The following ITSN1 variants were observed in gnomAD, a reference collection of about 807,000 sequenced individuals.
ITSN1 encodes intersectin-1.
In ITSN1, 58 loss-of-function variants were observed where a neutral mutation model predicts 239.8. The observed-to-expected ratio is 0.24, with a 90% confidence interval of 0.20 to 0.30. The LOEUF (loss-of-function observed/expected upper bound fraction) is 0.30. Among genes scored for constraint, ITSN1 ranks in the 10% least tolerant of loss-of-function variants. The probability of loss-of-function intolerance (pLI) is 1.00; values close to 1 mark genes in which losing one functional copy is unlikely to be tolerated. For synonymous variants in ITSN1, 780 were observed against 770.8 expected (o/e 1.01, Z -0.20); for missense variants, 1,558 against 2,103.3 (o/e 0.74, Z 5.07).
intron 5 of ITSN1, among the ~76,000 whole-genome samples, chr21:33,736,350 A>G (rs1435957032): frequency 6.6e-6 from 1 of 152,218 alleles, no homozygotes; most frequent in African/African-American, 2.4e-5. Flanking sequence ...CTCTGGTTTT[A>G]CTTACTAGGT....
At chr21:33,861,051 A>C (rs908159285) in intron 31 of ITSN1, among the ~76,000 whole-genome samples, 1 of 152,196 alleles carries the variant, frequency 6.6e-6, no homozygotes, top group East Asian at 1.9e-4. Flanking sequence ...TTCATCCTCC[A>C]GATAAAATCT....
At position 33,765,873 on chromosome 21, in the gene ITSN1, A is replaced by G. The variant is rs2147709709; in HGVS notation, c.789-2A>G. ...GATTACAGTTAACTTTTTGTTGAAT[A>G]GGAATCTTTCTGACATTGATCAAGA... On this transcript the variant is annotated splice_acceptor_variant, in intron 9 of 39. Coordinates refer to ENST00000381318, the MANE Select transcript of ITSN1 (RefSeq NM_003024.3). LOFTEE classifies it high-confidence loss of function. The G allele has an allele frequency of 6.2e-7, 1 of 1,614,082 alleles. No homozygotes were observed. The highest frequency in any genetic ancestry group is 8.5e-7 in the Non-Finnish European group (1 of 1,179,944).
At chr21:33,688,309 C>CT (rs1303608917) in intron 1 of ITSN1, among the ~76,000 whole-genome samples, 1 of 152,146 alleles carries the variant, frequency 6.6e-6, no homozygotes, top group Non-Finnish European at 1.5e-5. Context: ...GTATTTGTCT[C>CT]TTTCGGGAAT....
rs193036366 is a variant in ITSN1 at position 33,812,912 on chromosome 21, G to C, written c.2568-1001G>C. On this transcript the variant is annotated intron_variant, in intron 21 of 39. Coordinates refer to ENST00000381318, the MANE Select transcript of ITSN1 (RefSeq NM_003024.3). ...GCTGTGGCATCTAGGCATACTACCAGGTACTTGCTGTAGAGTGCATGGGTC... is the reference window on the plus strand; with the variant it reads ...GCTGTGGCATCTAGGCATACTACCACGTACTTGCTGTAGAGTGCATGGGTC... Among the ~76,000 whole-genome samples the C allele has an allele frequency of 4.6e-5, 7 of 152,296 alleles. No homozygotes were observed. In the East Asian group the frequency reaches 1.3e-3, roughly 29 times the overall value.
intron 21 of ITSN1, among the ~76,000 whole-genome samples, chr21:33,813,352 C>CT (rs1052128513): frequency 5.4e-4 from 78 of 144,424 alleles, no homozygotes; most frequent in Middle Eastern, 7.2e-3. Flanking sequence ...ACCCAGCTAA[C>CT]TTTTTTTTTT....
intron 1 of ITSN1, among the ~76,000 whole-genome samples, chr21:33,694,138 C>A (rs1031654596): frequency 4.6e-5 from 7 of 152,216 alleles, no homozygotes; most frequent in African/African-American, 1.7e-4. Context: ...CTCAGCCTCC[C>A]AAGTAGCTGG....
intron 29 of ITSN1, among the ~76,000 whole-genome samples, chr21:33,841,419 T>G (rs988564600): frequency 2.0e-5 from 3 of 152,200 alleles, no homozygotes; most frequent in South Asian, 2.1e-4. Flanking sequence ...AATGAGTGAA[T>G]GAAATCAACC....
rs1333101773 is a variant in ITSN1, at chr21:33,834,376, A to G, written c.3421A>G (p.Ser1141Gly). 1 of 1,614,020 alleles carries G rather than the reference A, an allele frequency of 6.2e-7. No individual in the cohort carries two copies. Among genetic ancestry groups the G allele is most frequent in the Non-Finnish European group, 8.5e-7 (1 of 1,179,918 alleles). Residue 1141 changes from serine to glycine, a missense_variant, in exon 28 of 40, where the codon AGC becomes GGC. Around this residue, in one of 2 missense-constraint regions of ITSN1, gnomAD observed 576 missense variants for 893.3 expected, o/e 0.64. Transcript: ENST00000381318. ...TGTAAAGCTTCTAAGCCCTGGGACG[A>G]GCAAAATCACTCCAACAGAGCCACC... ...NYVKLLSPGTSKITPTEPPKS... is the reference protein window; with the variant it reads ...NYVKLLSPGTGKITPTEPPKS...
chr21:33,719,750 A>G (rs993110947), intron 2 of ITSN1, among the ~76,000 whole-genome samples: 1 of 152,086 alleles, frequency 6.6e-6, no homozygotes, highest in Admixed American at 6.5e-5. Flanking sequence ...TGTTTGTTTT[A>G]CTTCAGTTAA....
chr21:33,710,071 ATTTTTTTTTGTTTTTT>A (rs1407083083), intron 1 of ITSN1, among the ~76,000 whole-genome samples: 1 of 139,440 alleles, frequency 7.2e-6, no homozygotes, highest in Non-Finnish European at 1.6e-5. Context: ...GCTGAGAGGC[ATTTTTTTTTGTTTTTT>A]TTTTTTTTTG....
chr21:33,783,895 T>C (rs1365673100), intron 16 of ITSN1, among the ~76,000 whole-genome samples: 1 of 152,172 alleles, frequency 6.6e-6, no homozygotes, highest in Non-Finnish European at 1.5e-5. Context: ...TGAGAGGCTT[T>C]TGATAAATGT....
In ITSN1 at chr21:33,893,579, G is replaced by T. The variant is rs1489281511; in HGVS notation, c.*5279G>T. 2 of 152,276 alleles carry T rather than the reference G, an allele frequency of 1.3e-5. No individual in the cohort carries two copies. Among genetic ancestry groups the T allele is most frequent in the African/African-American group, 4.8e-5 (2 of 41,440 alleles). The allele number at this position is 152,276 out of a possible 1,614,324, so 9.4% of individuals were successfully genotyped here. ...CACTCCAGCCTGGGTAACAGAGCGA[G>T]AGTCCTTCTCAAAACAAACAAAAAA... On this transcript the variant is annotated 3_prime_UTR_variant, in exon 40 of 40. Transcript: ENST00000381318.
chr21:33,851,600 T>C (rs572952987), intron 29 of ITSN1, among the ~76,000 whole-genome samples: 23 of 151,544 alleles, frequency 1.5e-4, no homozygotes, highest in Admixed American at 9.2e-4. Context: ...GGTTTCACCA[T>C]GTTGGCCAGG....
intron 34 of ITSN1, among the ~76,000 whole-genome samples, chr21:33,879,644 G>A (rs544450052): frequency 8.1e-4 from 123 of 152,340 alleles, no homozygotes; most frequent in African/African-American, 2.9e-3. Context: ...GACACAGTGA[G>A]GCCGGGATCT....
chr21:33,717,120 G>A (rs2065193285), intron 1 of ITSN1, among the ~76,000 whole-genome samples: 1 of 151,946 alleles, frequency 6.6e-6, no homozygotes, highest in Non-Finnish European at 1.5e-5. Flanking sequence ...AGATGTATTA[G>A]GGCAAGAGAC....
At chr21:33,682,066 T>C (rs952502517) in intron 1 of ITSN1, among the ~76,000 whole-genome samples, 33 of 146,732 alleles carry the variant, frequency 2.2e-4, no homozygotes, top group African/African-American at 8.1e-4. Flanking sequence ...CAAAAGATTA[T>C]GTGCTTAAAA....
intron 7 of ITSN1, 94 bp from the exon 8 acceptor site, chr21:33,755,203 T>C: frequency 1.8e-6 from 1 of 566,562 alleles, no homozygotes; most frequent in Non-Finnish European, 3.1e-6. Flanking sequence ...GAGATGATTA[T>C]CTAGAGAAGT....
At chr21:33,877,379 A>G (rs1414825332) in intron 34 of ITSN1, among the ~76,000 whole-genome samples, 1 of 152,022 alleles carries the variant, frequency 6.6e-6, no homozygotes, top group Non-Finnish European at 1.5e-5. Flanking sequence ...TATTGTCTGA[A>G]GTTGTATTCC....
At chr21:33,843,961 A>G (rs964393369) in intron 29 of ITSN1, among the ~76,000 whole-genome samples, 1 of 152,240 alleles carries the variant, frequency 6.6e-6, no homozygotes, top group Non-Finnish European at 1.5e-5. Context: ...ATGGAATCCA[A>G]TCAAGTGCCT....
Sources: gnomAD v4.1 joint callset for allele counts (sites outside exome capture counted in the v4.1 genomes callset) on GRCh38, gnomAD v4.1.1 for gene constraint, gnomAD v4.1.1 regional missense constraint, MANE v1.5 for transcripts, NCBI Gene and HGNC (gene_info 2026-07-23, HGNC 2026-07-21) for gene names.